Variants in CNTNAP2 observed in about 807,000 individuals in gnomAD.
CNTNAP2 encodes the protein contactin associated protein 2, also known as contactin-associated protein-like 2.
CNTNAP2 carries 98 observed loss-of-function variants against 155.2 expected under a neutral mutation model. The ratio of observed to expected loss-of-function variants is 0.63; its 90% CI spans 0.54 to 0.75. CNTNAP2 has a LOEUF of 0.75. CNTNAP2 is among the 30% of genes least tolerant of loss of function. The pLI, the probability that CNTNAP2 is intolerant of heterozygous loss-of-function variation, is 0.00. For synonymous variants in CNTNAP2, 651 were observed against 631.2 expected, an observed-to-expected ratio of 1.03 and a Z score of -0.47; for missense variants, 1,727 against 1,688.1, an observed-to-expected ratio of 1.02 and a Z score of -0.40.
chr7:147,917,419 G>T lies in CNTNAP2; in HGVS notation c.2255+13698G>T, dbSNP rs138606452. On this transcript the variant is annotated intron_variant, in intron 14 of 23. Transcript: ENST00000361727. The stretch of plus-strand genomic sequence containing the variant: ...GTAAAGGAAGTCCAGGCTCCTTCCA[G>T]CTCTCTGTTCTGGTGTTATTCAGAT... 2.7e-3 allele frequency among the ~76,000 whole-genome samples: 406 copies of T among 152,278 alleles called. 2 individuals are homozygous for T. The highest frequency in any genetic ancestry group is 9.3e-3 in the African/African-American group (387 of 41,554).
intron 12 of CNTNAP2, among the ~76,000 whole-genome samples, chr7:147,616,725 C>T (rs924193087): frequency 5.3e-5 from 8 of 151,974 alleles, no homozygotes; most frequent in Non-Finnish European, 1.2e-4. Context: ...GTAAAATAAA[C>T]GTGTTAGATA....
At chr7:146,889,272 C>T (rs1795732321) in intron 3 of CNTNAP2, among the ~76,000 whole-genome samples, 1 of 151,976 alleles carries the variant, frequency 6.6e-6, no homozygotes, top group Non-Finnish European at 1.5e-5. Context: ...GATATTTCTT[C>T]CTAGGGTCAT....
rs116181707 is a variant in CNTNAP2, at chr7:148,041,359, G to A, written c.2383+63370G>A. On this transcript the variant is annotated intron_variant, in intron 15 of 23. Transcript: ENST00000361727. ...TTGACTGTCATGTGCATGGAGATGT[G>A]GTTAGAGAGGAAATAAGTTACTGGG... 7.4e-3 allele frequency among the ~76,000 whole-genome samples: 1,134 copies of A among 152,324 alleles called. 19 individuals carry two copies. The highest frequency in any genetic ancestry group is 0.026 in the African/African-American group (1,066 of 41,568).
intron 1 of CNTNAP2, among the ~76,000 whole-genome samples, chr7:146,323,364 T>G (rs974844452): frequency 6.6e-6 from 1 of 152,238 alleles, no homozygotes; most frequent in African/African-American, 2.4e-5. Flanking sequence ...CTCTCGGTGT[T>G]ATGCAATATC....
chr7:148,265,119 A>G (rs1394972089), intron 20 of CNTNAP2, among the ~76,000 whole-genome samples: 1 of 152,214 alleles, frequency 6.6e-6, no homozygotes, highest in Non-Finnish European at 1.5e-5. Flanking sequence ...GAGTAAGTAA[A>G]CAGAAGTGCG....
At chr7:147,280,224 G>C (rs965547492) in intron 8 of CNTNAP2, among the ~76,000 whole-genome samples, 1 of 151,900 alleles carries the variant, frequency 6.6e-6, no homozygotes, top group Non-Finnish European at 1.5e-5. Flanking sequence ...GTTTGCTTGA[G>C]TTCCCTTTGA....
At chr7:146,935,354 C>G (rs1484019333) in intron 3 of CNTNAP2, among the ~76,000 whole-genome samples, 1 of 152,192 alleles carries the variant, frequency 6.6e-6, no homozygotes, top group Admixed American at 6.5e-5. Context: ...TGTAGATAAC[C>G]TTATATTTTG....
In CNTNAP2 at chr7:146,935,694, G is replaced by C. The variant is rs530738302; in HGVS notation, c.402+95790G>C. On this transcript the variant is annotated intron_variant, in intron 3 of 23. Transcript: ENST00000361727. Reference sequence around the variant, plus strand: ...AATAATCGAATTGCTTTAGATTGCTGACTGGCTAAACAGAAGTATCTGTGC... The same window carrying C: ...AATAATCGAATTGCTTTAGATTGCTCACTGGCTAAACAGAAGTATCTGTGC... Among the ~76,000 whole-genome samples, 3 of 152,312 alleles carry C rather than the reference G, an allele frequency of 2.0e-5. No individual in the cohort carries two copies. In the East Asian group the frequency reaches 5.8e-4, roughly 29 times the overall value.
intron 1 of CNTNAP2, among the ~76,000 whole-genome samples, chr7:146,635,013 T>G (rs1419182929): frequency 6.6e-6 from 1 of 152,172 alleles, no homozygotes; most frequent in Non-Finnish European, 1.5e-5. Flanking sequence ...AAACTAGTCA[T>G]GTATTTTCTG....
At chr7:146,979,780 AAAT>A (rs1797979116) in intron 3 of CNTNAP2, among the ~76,000 whole-genome samples, 1 of 152,246 alleles carries the variant, frequency 6.6e-6, no homozygotes, top group African/African-American at 2.4e-5. Context: ...TAAAAAGAAG[AAAT>A]AATAACTATG....
intron 1 of CNTNAP2, among the ~76,000 whole-genome samples, chr7:146,220,573 A>G (rs1011253146): frequency 7.9e-5 from 12 of 152,202 alleles, no homozygotes; most frequent in Admixed American, 3.3e-4. Context: ...TAATAAATAT[A>G]TAGTAAAACT....
At chr7:146,309,793 T>G (rs763490683) in intron 1 of CNTNAP2, among the ~76,000 whole-genome samples, 1 of 144,618 alleles carries the variant, frequency 6.9e-6, no homozygotes, top group Non-Finnish European at 1.5e-5. Flanking sequence ...CCAGTGAGAC[T>G]CTGTCAAAGA....
chr7:147,061,352 TATC>T (rs1270844322), intron 4 of CNTNAP2, among the ~76,000 whole-genome samples: 2 of 152,248 alleles, frequency 1.3e-5, no homozygotes, highest in African/African-American at 2.4e-5. Flanking sequence ...TTGCTTTAAA[TATC>T]ATTTTAAAAT....
intron 2 of CNTNAP2, among the ~76,000 whole-genome samples, chr7:146,823,874 A>AT (rs1017336213): frequency 1.3e-5 from 2 of 151,878 alleles, no homozygotes; most frequent in Admixed American, 6.6e-5. Context: ...ACAGACATAT[A>AT]TTTTTTTAAA....
chr7:147,114,215 G>A (rs561165369), intron 5 of CNTNAP2, among the ~76,000 whole-genome samples: 2 of 152,240 alleles, frequency 1.3e-5, no homozygotes, highest in South Asian at 4.1e-4. Context: ...TTGCTGTTGA[G>A]TGTTTTACTT....
chr7:148,041,376 G>A (rs527681769), intron 15 of CNTNAP2, among the ~76,000 whole-genome samples: 4 of 152,224 alleles, frequency 2.6e-5, no homozygotes, highest in Non-Finnish European at 5.9e-5. Flanking sequence ...GAGGAAATAA[G>A]TTACTGGGTT....
At chr7:146,737,050 C>A (rs2129180431) in intron 1 of CNTNAP2, among the ~76,000 whole-genome samples, 1 of 152,018 alleles carries the variant, frequency 6.6e-6, no homozygotes, top group South Asian at 2.1e-4. Context: ...AAAATAAATT[C>A]TAAATATGAT....
At chr7:148,230,830 G>A (rs62473503) in intron 20 of CNTNAP2, among the ~76,000 whole-genome samples, 62 of 152,238 alleles carry the variant, frequency 4.1e-4, no homozygotes, top group Non-Finnish European at 7.9e-4. Context: ...CATCATGGTC[G>A]ACAGAGTCCC....
At chr7:148,341,964 G>A (rs1321681623) in intron 21 of CNTNAP2, among the ~76,000 whole-genome samples, 2 of 152,180 alleles carry the variant, frequency 1.3e-5, no homozygotes, top group Non-Finnish European at 2.9e-5. Flanking sequence ...TTTGTGTTGT[G>A]CCCTGTGGAG....
Sources: gnomAD v4.1 joint callset for allele counts (sites outside exome capture counted in the v4.1 genomes callset) on GRCh38, gnomAD v4.1.1 for gene constraint, MANE v1.5 for transcripts, NCBI Gene and HGNC (gene_info 2026-07-23, HGNC 2026-07-21) for gene names.